Variants in SLC8A1 observed in about 807,000 individuals in gnomAD.
SLC8A1 encodes solute carrier family 8 member A1, also known as sodium/calcium exchanger 1.
Under a neutral mutation model 68.3 loss-of-function variants are expected in SLC8A1, and 18 were observed. That is an observed-to-expected ratio of 0.26 (90% CI 0.18 to 0.39). The LOEUF (loss-of-function observed/expected upper bound fraction) is 0.39, where lower values mean the gene tolerates loss of function less well. Ranked by LOEUF, SLC8A1 falls within the 10% of genes least tolerant of loss-of-function variation. SLC8A1 has a pLI of 1.00. For synonymous variants in SLC8A1, 475 were observed against 415.5 expected, an observed-to-expected ratio of 1.14 and a Z score of -1.74; for missense variants, 985 against 1,156.7, an observed-to-expected ratio of 0.85 and a Z score of 2.15.
rs756970142 is a variant in SLC8A1 at position 40,451,737 on chromosome 2, T to TCACACACACACACA, written c.-25+153_-25+166dup. On this transcript the variant is annotated intron_variant, in intron 1 of 7. Transcript: ENST00000406785. Reference sequence around the variant, plus strand: ...AATGTGCAGGCGCGCACACACCACATCACACACACACACACACACACACAC... The same window carrying TCACACACACACACA: ...AATGTGCAGGCGCGCACACACCACATCACACACACACACACACACACACACACACACACACACAC... Among the ~76,000 whole-genome samples, 1,027 of 133,704 alleles carry TCACACACACACACA rather than the reference T, an allele frequency of 7.7e-3. 7 individuals carry two copies. The highest frequency in any genetic ancestry group is 0.015 in the Admixed American group (201 of 13,358). The allele number at this position is 133,704 out of a possible 152,430, so 87.7% of individuals were successfully genotyped here.
intron 4 of SLC8A1, among the ~76,000 whole-genome samples, chr2:40,173,541 T>C (rs557722059): frequency 6.6e-6 from 1 of 152,318 alleles, no homozygotes; most frequent in East Asian, 1.9e-4. Context: ...ACGGCCCACA[T>C]GAAACTGCAC....
intron 2 of SLC8A1, among the ~76,000 whole-genome samples, chr2:40,269,089 C>T (rs2065710018): frequency 6.6e-6 from 1 of 152,144 alleles, no homozygotes; most frequent in Admixed American, 6.5e-5. Context: ...GTCAGATAAT[C>T]TGGTGTTAAA....
intron 2 of SLC8A1, among the ~76,000 whole-genome samples, chr2:40,232,960 G>A (rs1328745886): frequency 1.3e-5 from 2 of 151,184 alleles, no homozygotes; most frequent in East Asian, 3.9e-4. Flanking sequence ...AGTATTCCAT[G>A]GTGTATATGT....
At chr2:40,265,456 A>T (rs1360807895) in intron 2 of SLC8A1, among the ~76,000 whole-genome samples, 1 of 152,188 alleles carries the variant, frequency 6.6e-6, no homozygotes, top group Admixed American at 6.5e-5. Flanking sequence ...AAAAAAAATT[A>T]AAAATTCTCT....
chr2:40,164,406 G>A (rs1027409920), intron 5 of SLC8A1, among the ~76,000 whole-genome samples: 7 of 152,162 alleles, frequency 4.6e-5, no homozygotes, highest in African/African-American at 9.7e-5. Flanking sequence ...TTGTCAATGG[G>A]ATGTTCCATA....
chr2:40,391,190 T>TTATACACACACGTATATATA (rs1553562214), intron 2 of SLC8A1, among the ~76,000 whole-genome samples: 1 of 149,114 alleles, frequency 6.7e-6, no homozygotes, highest in Non-Finnish European at 1.5e-5. Context: ...TGTATATATA[T>TTATACACACACGTATATATA]TACACACACA....
chr2:40,279,990 T>C (rs909105075), intron 2 of SLC8A1, among the ~76,000 whole-genome samples: 11 of 152,316 alleles, frequency 7.2e-5, no homozygotes, highest in African/African-American at 2.6e-4. Context: ...CAATTGCATC[T>C]GTATTGGCAG....
intron 2 of SLC8A1, among the ~76,000 whole-genome samples, chr2:40,345,525 C>A (rs140565122): frequency 2.0e-5 from 3 of 151,878 alleles, no homozygotes; most frequent in African/African-American, 7.2e-5. Flanking sequence ...ATGGACAGGG[C>A]CACTGATTTA....
chr2:40,472,515 T>C (rs1479218004), intron 1 of SLC8A1, among the ~76,000 whole-genome samples: 2 of 152,188 alleles, frequency 1.3e-5, no homozygotes, highest in Admixed American at 1.3e-4. Context: ...TTTCAACCAA[T>C]GTAAGATCTT....
intron 3 of SLC8A1, chr2:40,175,963 CAT>C (rs1558629324): frequency 2.2e-6 from 1 of 448,656 alleles, no homozygotes; most frequent in Non-Finnish European, 4.5e-6. Flanking sequence ...GACTTCTGTA[CAT>C]TATTAGATAA....
chr2:40,107,487 T>A (rs2034289996), exon 8 of SLC8A1: 1 of 151,880 alleles, frequency 6.6e-6, no homozygotes, highest in Admixed American at 6.6e-5. Flanking sequence ...AAACTCTAAT[T>A]GGCCCTAAAG....
intron 2 of SLC8A1, among the ~76,000 whole-genome samples, chr2:40,418,549 T>A (rs2149732834): frequency 6.6e-6 from 1 of 152,314 alleles, no homozygotes; most frequent in South Asian, 2.1e-4. Context: ...ATCAGATTCC[T>A]GGCTAAGTAC....
intron 2 of SLC8A1, among the ~76,000 whole-genome samples, chr2:40,272,756 T>C (rs891416941): frequency 1.1e-4 from 16 of 152,198 alleles, no homozygotes; most frequent in African/African-American, 3.6e-4. Context: ...ATGTTTTACT[T>C]AAAGAAGATA....
chr2:40,159,015 T>A (rs892935977), intron 6 of SLC8A1, among the ~76,000 whole-genome samples: 2 of 152,162 alleles, frequency 1.3e-5, no homozygotes, highest in African/African-American at 4.8e-5. Context: ...TCATAAAATG[T>A]TTCCTTGTTC....
intron 2 of SLC8A1, among the ~76,000 whole-genome samples, chr2:40,383,308 T>C (rs535278523): frequency 9.3e-4 from 141 of 152,246 alleles, no homozygotes; most frequent in Non-Finnish European, 1.9e-3. Context: ...ATTTGATATA[T>C]GTTTTTTGTC....
chr2:40,202,713 A>T (rs1355939807), intron 2 of SLC8A1, among the ~76,000 whole-genome samples: 1 of 152,060 alleles, frequency 6.6e-6, no homozygotes, highest in Non-Finnish European at 1.5e-5. Flanking sequence ...GGATACCCAC[A>T]CAAACAGGGA....
intron 2 of SLC8A1, among the ~76,000 whole-genome samples, chr2:40,280,907 T>C (rs1054926754): frequency 6.6e-6 from 1 of 152,190 alleles, no homozygotes; most frequent in Non-Finnish European, 1.5e-5. Flanking sequence ...AATTAATCAA[T>C]CTCTTTATAC....
intron 2 of SLC8A1, among the ~76,000 whole-genome samples, chr2:40,249,168 T>C (rs762846501): frequency 5.9e-5 from 9 of 152,132 alleles, no homozygotes; most frequent in Non-Finnish European, 1.0e-4. Flanking sequence ...AAATCTTAAA[T>C]AGAACAAAAA....
intron 2 of SLC8A1, among the ~76,000 whole-genome samples, chr2:40,179,870 TAA>T (rs1426380151): frequency 1.8e-4 from 28 of 152,198 alleles, no homozygotes; most frequent in Non-Finnish European, 2.9e-4. Flanking sequence ...GCCAAATGCT[TAA>T]GTCTTGCTTT....
Sources: gnomAD v4.1 joint callset for allele counts (sites outside exome capture counted in the v4.1 genomes callset) on GRCh38, gnomAD v4.1.1 for gene constraint, MANE v1.5 for transcripts, NCBI Gene and HGNC (gene_info 2026-07-23, HGNC 2026-07-21) for gene names.